ZCCHC14: variants seen among roughly 807,000 people sequenced by gnomAD.
ZCCHC14 encodes zinc finger CCHC-type containing 14.
ZCCHC14 carries 16 observed loss-of-function variants against 85.0 expected under a neutral mutation model. That is an observed-to-expected ratio of 0.19 (90% CI 0.13 to 0.29). The LOEUF (loss-of-function observed/expected upper bound fraction) is 0.29. Ranked by LOEUF, ZCCHC14 falls within the 10% of genes least tolerant of loss-of-function variation. The pLI, the probability that ZCCHC14 is intolerant of heterozygous loss-of-function variation, is 1.00. For missense variants in ZCCHC14, 1,303 were observed against 1,443.5 expected (o/e 0.90, Z 1.58); for synonymous variants, 775 against 630.7 (o/e 1.23, Z -3.43).
At chr16:87,429,129 T>C (rs1012241946) in intron 3 of ZCCHC14, among the ~76,000 whole-genome samples, 1 of 152,250 alleles carries the variant, frequency 6.6e-6, no homozygotes, top group Non-Finnish European at 1.5e-5. Flanking sequence ...CCGAAATAGC[T>C]GCACCATTTC....
intron 2 of ZCCHC14, among the ~76,000 whole-genome samples, chr16:87,456,144 G>T (rs1910948647): frequency 6.6e-6 from 1 of 152,138 alleles, no homozygotes; most frequent in Admixed American, 6.5e-5. Flanking sequence ...GAACCCATAA[G>T]GAAATTGAAA....
chr16:87,426,642 G>A (rs1379642710), intron 3 of ZCCHC14, among the ~76,000 whole-genome samples: 1 of 152,162 alleles, frequency 6.6e-6, no homozygotes, highest in African/African-American at 2.4e-5. Context: ...AAAAGGCTCA[G>A]CCAGGCACCT....
At position 87,411,765 on chromosome 16, in the gene ZCCHC14, C is replaced by T. The variant is rs375680367; in HGVS notation, c.2956G>A (p.Val986Ile). 4.1e-5 allele frequency: 66 copies of T among 1,611,790 alleles called. No homozygotes were observed. The highest frequency in any genetic ancestry group is 5.0e-5 in the Admixed American group (3 of 59,888). ...QQYGGGSTFP[V>I]VHAPYSSSGT... Reference sequence around the variant, plus strand: ...CTGCTGCTGTAAGGGGCGTGCACGACGGGGAAGGTGGAGCCGCCGCCGTAC... The same window carrying T: ...CTGCTGCTGTAAGGGGCGTGCACGATGGGGAAGGTGGAGCCGCCGCCGTAC... Residue 986 changes from valine to isoleucine, a missense_variant, in exon 12 of 13, where the codon GTC becomes ATC. Physicochemically the swap from Val to Ile is conservative, Grantham distance 29. Transcript: ENST00000671377.
chr16:87,430,111 G>A (rs1006020656), intron 3 of ZCCHC14, among the ~76,000 whole-genome samples: 1 of 152,130 alleles, frequency 6.6e-6, no homozygotes, highest in Non-Finnish European at 1.5e-5. Context: ...TTTCAGCACC[G>A]TATCTCAGAA....
chr16:87,475,552 TAAAAAAA>T lies in ZCCHC14; in HGVS notation c.571-15428_571-15422del, dbSNP rs35771945. ...TGGGTGGCAGAGCAAGACTCTGTCT[TAAAAAAA>T]AAAAAAAAAAAAAAAAGGAAATTCC... is the stretch of plus-strand genomic sequence containing the variant. On this transcript the variant is annotated intron_variant, in intron 1 of 12. Transcript: ENST00000671377. Among the ~76,000 whole-genome samples the T allele has an allele frequency of 3.5e-3, 319 of 91,474 alleles. 2 individuals carry two copies. Among genetic ancestry groups the T allele is most frequent in the Middle Eastern group, 7.1e-3 (1 of 140 alleles). The allele number at this position is 91,474 out of a possible 152,430, so 60.0% of individuals were successfully genotyped here. A position where few individuals can be genotyped will look rare whatever the true frequency, so the allele number is the denominator to read the frequency against.
chr16:87,412,718 T>C lies in ZCCHC14; in HGVS notation c.2003A>G (p.His668Arg). ...ADMKLLSSSV[H>R]SLLSLEERNK... ...CCTTTCTTCTAGAGACAAAAGTGAG[T>C]GCACAGAAGACGAGAGGAGCTTCAT... Residue 668 changes from histidine to arginine, a missense_variant, in exon 12 of 13, where the codon CAC becomes CGC. Around this residue, in one of 7 missense-constraint regions of ZCCHC14, gnomAD observed 797 missense variants for 730.8 expected, o/e 1.09. Coordinates refer to ENST00000671377, the MANE Select transcript of ZCCHC14 (RefSeq NM_015144.3). The C allele has an allele frequency of 6.2e-7, 1 of 1,614,156 alleles. No homozygotes were observed. The highest frequency in any genetic ancestry group is 8.5e-7 in the Non-Finnish European group (1 of 1,180,030).
chr16:87,474,967 A>C (rs1262837293), intron 1 of ZCCHC14, among the ~76,000 whole-genome samples: 1 of 152,260 alleles, frequency 6.6e-6, no homozygotes, highest in Non-Finnish European at 1.5e-5. Flanking sequence ...GCTAAAACAA[A>C]GCATCATCAA....
intron 2 of ZCCHC14, among the ~76,000 whole-genome samples, chr16:87,449,109 C>T (rs1035568535): frequency 2.6e-5 from 4 of 152,206 alleles, no homozygotes; most frequent in African/African-American, 9.7e-5. Flanking sequence ...GAGCATGGCC[C>T]AGCTGACACC....
rs1908882222 is a variant in ZCCHC14 at position 87,417,950 on chromosome 16, G to A, written c.1101-208C>T. 1.7e-5 allele frequency: 10 copies of A among 595,648 alleles called. No homozygotes were observed. The South Asian group carries it at 2.3e-4, about 14-fold the overall frequency. 36.9% of individuals were successfully genotyped at this position (595,648 alleles called of 1,614,324 possible). ...TTTCTGCAGCTAAGATTTCTGTAATGCATGTCTGTGCACACGTGTGCATAC... is the reference window on the plus strand; with the variant it reads ...TTTCTGCAGCTAAGATTTCTGTAATACATGTCTGTGCACACGTGTGCATAC... On this transcript the variant is annotated intron_variant, in intron 7 of 12. Coordinates refer to ENST00000671377, the MANE Select transcript of ZCCHC14 (RefSeq NM_015144.3).
Position 87,408,782 on chromosome 16 carries a change from G to A in ZCCHC14, c.*1498C>T, listed in dbSNP as rs971692059. 7 of 152,380 alleles carry A rather than the reference G, an allele frequency of 4.6e-5. No homozygotes were observed. The highest frequency in any genetic ancestry group is 1.7e-4 in the African/African-American group (7 of 41,424). The allele number at this position is 152,380 out of a possible 1,614,324, so 9.4% of individuals were successfully genotyped here. ...AGGCCTCATTCTAGGGTATTCTTCT[G>A]ATTTACATCAATTTTTCATGAGGCT... On this transcript the variant is annotated 3_prime_UTR_variant, in exon 13 of 13. Transcript: ENST00000671377.
At chr16:87,451,181 T>A (rs1442119584) in intron 2 of ZCCHC14, among the ~76,000 whole-genome samples, 5 of 147,990 alleles carry the variant, frequency 3.4e-5, no homozygotes. Flanking sequence ...ATTACAGGCG[T>A]GAGACATGGC....
intron 1 of ZCCHC14, among the ~76,000 whole-genome samples, chr16:87,489,391 G>C (rs777154776): frequency 1.3e-5 from 2 of 152,144 alleles, no homozygotes; most frequent in Non-Finnish European, 2.9e-5. Flanking sequence ...ACACATAAAC[G>C]CTCATAGCCA....
intron 2 of ZCCHC14, among the ~76,000 whole-genome samples, chr16:87,444,038 G>GAAAAAAAAAAAA (rs56352252): frequency 1.7e-3 from 128 of 77,042 alleles, no homozygotes; most frequent in Non-Finnish European, 2.2e-3. Flanking sequence ...CTCTATCACA[G>GAAAAAAAAAAAA]AAAAAAAAAA....
intron 1 of ZCCHC14, among the ~76,000 whole-genome samples, chr16:87,481,709 G>A (rs1912289428): frequency 6.6e-6 from 1 of 152,098 alleles, no homozygotes; most frequent in African/African-American, 2.4e-5. Context: ...AGCTGGAGGG[G>A]ATAAAAAAGG....
chr16:87,466,201 T>C (rs1034352050), intron 1 of ZCCHC14, among the ~76,000 whole-genome samples: 3 of 152,100 alleles, frequency 2.0e-5, no homozygotes, highest in Non-Finnish European at 4.4e-5. Flanking sequence ...CAGGCTACTT[T>C]ACAGCTCTGT....
chr16:87,456,976 A>G (rs1394248655), intron 2 of ZCCHC14, among the ~76,000 whole-genome samples: 5 of 152,370 alleles, frequency 3.3e-5, no homozygotes, highest in Middle Eastern at 3.4e-3. Flanking sequence ...TGTTGAGAGT[A>G]TTAGTAAAAG....
intron 1 of ZCCHC14, among the ~76,000 whole-genome samples, chr16:87,462,219 G>A (rs1054604874): frequency 6.6e-6 from 1 of 150,854 alleles, no homozygotes; most frequent in Non-Finnish European, 1.5e-5. Context: ...AAAATTTTTT[G>A]AATTTCTTAT....
intron 2 of ZCCHC14, among the ~76,000 whole-genome samples, chr16:87,441,959 T>G (rs1311001795): frequency 6.6e-6 from 1 of 152,150 alleles, no homozygotes; most frequent in Admixed American, 6.5e-5. Flanking sequence ...CCTTTTCTTC[T>G]CTCTGTCTTC....
chr16:87,408,342 C>G lies in ZCCHC14; in HGVS notation c.*1938G>C, dbSNP rs1315068955. 2.6e-5 allele frequency: 4 copies of G among 152,430 alleles called. No individual in the cohort carries two copies. The highest frequency in any genetic ancestry group is 2.0e-4 in the Admixed American group (3 of 15,276). The allele number at this position is 152,430 out of a possible 1,614,324, so 9.4% of individuals were successfully genotyped here. On this transcript the variant is annotated 3_prime_UTR_variant, in exon 13 of 13. Transcript: ENST00000671377. ...CCAAAAAATTTAAAAGTTTGGCTTTCAGCACATATCCAGGCCACTGTAATG... is the reference window on the plus strand; with the variant it reads ...CCAAAAAATTTAAAAGTTTGGCTTTGAGCACATATCCAGGCCACTGTAATG...
Sources: allele counts gnomAD v4.1 joint callset (sites outside exome capture counted in the v4.1 genomes callset), GRCh38; gene constraint gnomAD v4.1.1; regional missense constraint gnomAD v4.1.1; transcripts MANE v1.5; gene names NCBI Gene and HGNC (gene_info 2026-07-23, HGNC 2026-07-21).